GSKIP: variants seen among roughly 807,000 people sequenced by gnomAD.
The protein encoded by GSKIP is GSK3B interacting protein, also known as GSK3B-interacting protein.
Under a neutral mutation model 11.9 loss-of-function variants are expected in GSKIP, and 5 were observed. The observed-to-expected ratio is 0.42, with a 90% confidence interval of 0.22 to 0.89. The LOEUF (loss-of-function observed/expected upper bound fraction) is 0.89, where lower values mean the gene tolerates loss of function less well. GSKIP is among the 40% of genes least tolerant of loss of function. The pLI, the probability that GSKIP is intolerant of heterozygous loss-of-function variation, is 0.29. For missense variants in GSKIP, 150 were observed against 166.6 expected (o/e 0.90, Z 0.55); for synonymous variants, 70 against 62.9 (o/e 1.11, Z -0.54).
chr14:96,375,320 A>G (rs1889167206), intron 1 of GSKIP, among the ~76,000 whole-genome samples: 1 of 152,220 alleles, frequency 6.6e-6, no homozygotes, highest in Non-Finnish European at 1.5e-5. Flanking sequence ...TATATCAATA[A>G]TTACAGTAAT....
At chr14:96,373,792 A>G (rs991199885) in intron 1 of GSKIP, among the ~76,000 whole-genome samples, 1 of 152,210 alleles carries the variant, frequency 6.6e-6, no homozygotes, top group Non-Finnish European at 1.5e-5. Context: ...TAAAAGCAAG[A>G]CCCAGAAAGA....
At chr14:96,366,960 C>T (rs773670814) in intron 1 of GSKIP, among the ~76,000 whole-genome samples, 32 of 152,060 alleles carry the variant, frequency 2.1e-4, no homozygotes, top group African/African-American at 5.1e-4. Flanking sequence ...GGTAACAGGA[C>T]GACGCTGTCA....
intron 1 of GSKIP, among the ~76,000 whole-genome samples, chr14:96,369,697 G>A (rs1888991888): frequency 6.6e-6 from 1 of 152,144 alleles, no homozygotes; most frequent in Non-Finnish European, 1.5e-5. Context: ...CAGAGGCTTG[G>A]CAGCTTCCAC....
At chr14:96,384,378 G>A (rs1233449108) in intron 3 of GSKIP, among the ~76,000 whole-genome samples, 1 of 151,398 alleles carries the variant, frequency 6.6e-6, no homozygotes, top group African/African-American at 2.4e-5. Context: ...TTAGGTGTCT[G>A]CCTCTGCTTT....
intron 1 of GSKIP, among the ~76,000 whole-genome samples, chr14:96,370,490 G>C (rs757637479): frequency 6.6e-6 from 1 of 152,196 alleles, no homozygotes; most frequent in Non-Finnish European, 1.5e-5. Context: ...GGGAGTTGGG[G>C]CGGGGTAGGG....
At chr14:96,383,234 A>G (rs1889398119) in intron 3 of GSKIP, among the ~76,000 whole-genome samples, 1 of 152,118 alleles carries the variant, frequency 6.6e-6, no homozygotes, top group South Asian at 2.1e-4. Flanking sequence ...GCATAGCAAG[A>G]CCGTGTTTCT....
rs902345908 is a variant in GSKIP at position 96,366,918 on chromosome 14, G to T, written c.-103+3350G>T. Among the ~76,000 whole-genome samples the T allele has an allele frequency of 1.3e-4, 20 of 152,292 alleles. No individual in the cohort carries two copies. In the East Asian group the frequency reaches 3.7e-3, roughly 28 times the overall value. On this transcript the variant is annotated intron_variant, in intron 1 of 3. Coordinates refer to ENST00000555181, the MANE Select transcript of GSKIP (RefSeq NM_016472.5). Reference sequence around the variant, plus strand: ...GAAATGAAAGAAAAGCCAAGGAGATGTATTTGACCTTTTTTAATGACTTGC... The same window carrying T: ...GAAATGAAAGAAAAGCCAAGGAGATTTATTTGACCTTTTTTAATGACTTGC...
chr14:96,365,765 C>A (rs1256472596), intron 1 of GSKIP, among the ~76,000 whole-genome samples: 2 of 151,770 alleles, frequency 1.3e-5, no homozygotes, highest in Non-Finnish European at 2.9e-5. Context: ...ACCCGAGAGG[C>A]GGAGGTTGCA....
chr14:96,373,674 C>T (rs964852049), intron 1 of GSKIP, among the ~76,000 whole-genome samples: 6 of 151,230 alleles, frequency 4.0e-5, no homozygotes, highest in African/African-American at 1.5e-4. Flanking sequence ...ATTCTTATCA[C>T]ACAGAATAGA....
At position 96,373,229 on chromosome 14, in the gene GSKIP, CAA is replaced by C. The variant is rs57931398; in HGVS notation, c.-102-6437_-102-6436del. 7.1e-3 allele frequency among the ~76,000 whole-genome samples: 584 copies of C among 82,818 alleles called. 7 individuals carry two copies. Among genetic ancestry groups the C allele is most frequent in the South Asian group, 0.069 (145 of 2,100 alleles). The allele number at this position is 82,818 out of a possible 152,430, so 54.3% of individuals were successfully genotyped here. On this transcript the variant is annotated intron_variant, in intron 1 of 3. Transcript: ENST00000555181. ...TGGGTGACAGAGCGAGACTCTGTCT[CAA>C]AAAAAAAAAAAAAAAAAAAAAGAAA...
intron 1 of GSKIP, chr14:96,364,238 C>T (rs1335075763): frequency 6.6e-6 from 1 of 152,172 alleles, no homozygotes; most frequent in Non-Finnish European, 1.5e-5. Context: ...TGCGGGTGTT[C>T]TATGGCCCAG....
At chr14:96,367,603 A>G (rs1888923482) in intron 1 of GSKIP, among the ~76,000 whole-genome samples, 1 of 152,162 alleles carries the variant, frequency 6.6e-6, no homozygotes, top group African/African-American at 2.4e-5. Flanking sequence ...TTTGTCATCA[A>G]GGATAAAGCT....
At chr14:96,364,935 A>AAAATTAAAACGACGG (rs751897060) in intron 1 of GSKIP, 2 of 152,124 alleles carry the variant, frequency 1.3e-5, no homozygotes, top group Admixed American at 6.5e-5. Flanking sequence ...ATCAGAAAGG[A>AAAATTAAAACGACGG]TCGTACGAGC....
chr14:96,369,368 G>T (rs1489211158), intron 1 of GSKIP, among the ~76,000 whole-genome samples: 1 of 152,220 alleles, frequency 6.6e-6, no homozygotes, highest in Non-Finnish European at 1.5e-5. Flanking sequence ...GCATTTTCAG[G>T]AGAAGAATCC....
chr14:96,367,076 C>T (rs1485941539), intron 1 of GSKIP, among the ~76,000 whole-genome samples: 1 of 152,174 alleles, frequency 6.6e-6, no homozygotes. Context: ...GCTTGAGCTT[C>T]AGGGTCAGGC....
Position 96,385,681 on chromosome 14 carries a change from A to G in GSKIP, c.417A>G (p.Ser139=). 1.2e-6 allele frequency: 2 copies of G among 1,608,694 alleles called. No homozygotes were observed. The highest frequency in any genetic ancestry group is 1.7e-6 in the Non-Finnish European group (2 of 1,178,206). Residue 139 remains serine, a synonymous_variant, in exon 4 of 4, where the codon TCA becomes TCG. Coordinates refer to ENST00000555181, the MANE Select transcript of GSKIP (RefSeq NM_016472.5). The part of the protein sequence containing the change: ...RLEALKRDGQ[S] ...AAGCTTTGAAAAGAGATGGACAGTC[A>G]TGACTACACTTTTTCCTTTCAGAGG...
In GSKIP at chr14:96,387,213, T is replaced by G. The variant is rs1889514184; in HGVS notation, c.*1529T>G. 1 of 152,246 alleles carries G rather than the reference T, an allele frequency of 6.6e-6. No homozygotes were observed. The highest frequency in any genetic ancestry group is 1.5e-5 in the Non-Finnish European group (1 of 68,050). 9.4% of individuals were successfully genotyped at this position (152,246 alleles called of 1,614,324 possible). ...TGAATAAAATTCTGTTTACTCATTT[T>G]GAGTTAGTATGAAAAAAAGTGATTG... On this transcript the variant is annotated 3_prime_UTR_variant, in exon 4 of 4. Transcript: ENST00000555181.
chr14:96,382,614 G>A (rs747276767), intron 3 of GSKIP, 109 bp downstream of exon 3: 61 of 626,330 alleles, frequency 9.7e-5, no homozygotes, highest in Non-Finnish European at 1.4e-4. Context: ...TGGATATTCA[G>A]TAGCTTCCAA....
intron 1 of GSKIP, among the ~76,000 whole-genome samples, chr14:96,370,027 C>T (rs1889001419): frequency 6.6e-6 from 1 of 152,200 alleles, no homozygotes; most frequent in South Asian, 2.1e-4. Flanking sequence ...CCTCATACTG[C>T]TGTGCCAGGA....
Sources: allele counts gnomAD v4.1 joint callset (sites outside exome capture counted in the v4.1 genomes callset), GRCh38; gene constraint gnomAD v4.1.1; transcripts MANE v1.5; gene names NCBI Gene and HGNC (gene_info 2026-07-23, HGNC 2026-07-21).